CACNG4: variants seen among roughly 807,000 people sequenced by gnomAD.
CACNG4 encodes the protein calcium voltage-gated channel auxiliary subunit gamma 4.
A neutral mutation model predicts 22.9 loss-of-function variants in CACNG4; 8 were observed. The observed-to-expected ratio is 0.35, with a 90% CI of 0.21 to 0.63. CACNG4 has a LOEUF of 0.63. Among genes scored for constraint, CACNG4 ranks in the 30% least tolerant of loss-of-function variants. The pLI, the probability that CACNG4 is intolerant of heterozygous loss-of-function variation, is 0.72. For missense variants in CACNG4, 357 were observed against 455.4 expected (o/e 0.78, Z 1.97); for synonymous variants, 188 against 191.9 (o/e 0.98, Z 0.17).
chr17:66,983,561 G>A (rs909849725), intron 1 of CACNG4, among the ~76,000 whole-genome samples: 4 of 152,194 alleles, frequency 2.6e-5, no homozygotes, highest in African/African-American at 7.2e-5. Flanking sequence ...GCACAGCGTC[G>A]TGACCAGAAC....
chr17:67,003,491 G>A (rs2035420355), intron 1 of CACNG4, among the ~76,000 whole-genome samples: 1 of 152,138 alleles, frequency 6.6e-6, no homozygotes, highest in African/African-American at 2.4e-5. Flanking sequence ...AGTAATGTCT[G>A]CCATGGGCTG....
intron 1 of CACNG4, among the ~76,000 whole-genome samples, chr17:66,999,290 G>C (rs1308016474): frequency 6.6e-6 from 1 of 152,076 alleles, no homozygotes; most frequent in Non-Finnish European, 1.5e-5. Context: ...GGTGGTGGTG[G>C]TGGTGGTGGT....
intron 1 of CACNG4, among the ~76,000 whole-genome samples, chr17:66,973,718 G>C (rs1264340655): frequency 6.6e-6 from 1 of 152,184 alleles, no homozygotes; most frequent in Non-Finnish European, 1.5e-5. Context: ...CTCCATGACA[G>C]CCTCCCCTCA....
chr17:66,965,193 C>CAT (rs1467620396), intron 1 of CACNG4, 62 bp downstream of exon 1: 2 of 949,574 alleles, frequency 2.1e-6, no homozygotes. Context: ...CACATATACA[C>CAT]ACGCGCGCGC....
intron 1 of CACNG4, among the ~76,000 whole-genome samples, chr17:66,999,052 T>A (rs927066154): frequency 2.6e-5 from 4 of 152,132 alleles, no homozygotes; most frequent in Admixed American, 6.5e-5. Flanking sequence ...GGATGATGGC[T>A]TGGGTTCTAG....
intron 1 of CACNG4, among the ~76,000 whole-genome samples, chr17:66,968,868 T>A (rs1247613362): frequency 6.7e-6 from 1 of 149,688 alleles, no homozygotes; most frequent in Non-Finnish European, 1.5e-5. Context: ...TTTCTCAGTC[T>A]CTCTGTGTCA....
intron 1 of CACNG4, among the ~76,000 whole-genome samples, chr17:67,006,400 C>T (rs1213835597): frequency 1.3e-5 from 2 of 152,198 alleles, no homozygotes; most frequent in Non-Finnish European, 1.5e-5. Context: ...CCTTACAGGA[C>T]GGTTCTGGCT....
chr17:66,970,730 G>A (rs903849314), intron 1 of CACNG4, among the ~76,000 whole-genome samples: 2 of 152,156 alleles, frequency 1.3e-5, no homozygotes, highest in African/African-American at 4.8e-5. Flanking sequence ...TCTCCAAATA[G>A]CATTGTTTAC....
At chr17:66,971,600 G>C (rs2035205333) in intron 1 of CACNG4, among the ~76,000 whole-genome samples, 1 of 152,190 alleles carries the variant, frequency 6.6e-6, no homozygotes, top group Non-Finnish European at 1.5e-5. Flanking sequence ...GGGGGCGTGT[G>C]GGGAGCGGCT....
At chr17:66,982,643 A>C (rs2035284161) in intron 1 of CACNG4, among the ~76,000 whole-genome samples, 1 of 152,198 alleles carries the variant, frequency 6.6e-6, no homozygotes, top group Non-Finnish European at 1.5e-5. Context: ...TGTGGCTTTG[A>C]ATTCCAGGGC....
At chr17:66,966,163 G>T (rs989089524) in intron 1 of CACNG4, among the ~76,000 whole-genome samples, 1 of 152,100 alleles carries the variant, frequency 6.6e-6, no homozygotes, top group Non-Finnish European at 1.5e-5. Flanking sequence ...GCCAAAATGC[G>T]CTCGGCTTCG....
chr17:67,016,909 C>T (rs550668638), intron 1 of CACNG4, among the ~76,000 whole-genome samples: 4 of 152,102 alleles, frequency 2.6e-5, no homozygotes, highest in Non-Finnish European at 5.9e-5. Flanking sequence ...TGGCCCCCCA[C>T]CCCATGAGAG....
At chr17:67,000,251 C>G (rs1386028911) in intron 1 of CACNG4, among the ~76,000 whole-genome samples, 3 of 152,106 alleles carry the variant, frequency 2.0e-5, no homozygotes. Context: ...CCATAAACAG[C>G]CTGCTTAACT....
chr17:67,015,119 C>T (rs2035489518), intron 1 of CACNG4, among the ~76,000 whole-genome samples: 1 of 152,124 alleles, frequency 6.6e-6, no homozygotes, highest in South Asian at 2.1e-4. Flanking sequence ...TAGCTGGAAA[C>T]AACAGGTGTC....
intron 1 of CACNG4, among the ~76,000 whole-genome samples, chr17:67,006,303 G>A (rs1327973691): frequency 6.6e-6 from 1 of 152,180 alleles, no homozygotes; most frequent in East Asian, 1.9e-4. Context: ...GAGCCTGGAG[G>A]GTCTAGAGCT....
chr17:66,981,365 GAAAACAA>G, intron 1 of CACNG4, among the ~76,000 whole-genome samples: 1 of 152,156 alleles, frequency 6.6e-6, no homozygotes, highest in African/African-American at 2.4e-5. Flanking sequence ...TCCTATAGCT[GAAAACAA>G]AGCAATCATC....
chr17:67,007,407 G>C (rs8068742), intron 1 of CACNG4, among the ~76,000 whole-genome samples: 3,383 of 152,208 alleles, frequency 0.022, 118 homozygotes, highest in African/African-American at 0.078. Context: ...AGACATCTCC[G>C]AGAAATGAGG....
At chr17:67,003,128 A>G (rs2035418269) in intron 1 of CACNG4, among the ~76,000 whole-genome samples, 1 of 152,146 alleles carries the variant, frequency 6.6e-6, no homozygotes, top group African/African-American at 2.4e-5. Context: ...GATTATAACA[A>G]CAGCAAACAT....
chr17:66,965,084 G>C lies in CACNG4; in HGVS notation c.173G>C (p.Arg58Pro), dbSNP rs1387782646. 6.2e-7 allele frequency: 1 copy of C among 1,603,650 alleles called. No homozygotes were observed. Among genetic ancestry groups the C allele is most frequent in the African/African-American group, 1.3e-5 (1 of 74,506 alleles). The part of the protein sequence containing the change: ...MDDGPPPRRA[R>P]GDLTHSGLWR... ...GACGGGCCCCCGCCCCGCCGCGCCC[G>C]CGGCGACCTCACCCACTCTGGTCTG... Residue 58 changes from arginine to proline, a missense_variant, in exon 1 of 4, where the codon CGC (arginine) becomes CCC (proline). Physicochemically the swap from Arg to Pro is moderately radical, Grantham distance 103. This residue lies in a region of CACNG4 where 114 missense variants were observed against 161.6 expected (regional missense o/e 0.71). Coordinates refer to ENST00000262138, the MANE Select transcript of CACNG4 (RefSeq NM_014405.4).
Sources: gnomAD v4.1 joint callset for allele counts (sites outside exome capture counted in the v4.1 genomes callset) on GRCh38, gnomAD v4.1.1 for gene constraint, gnomAD v4.1.1 regional missense constraint, MANE v1.5 for transcripts, NCBI Gene and HGNC (gene_info 2026-07-23, HGNC 2026-07-21) for gene names.